The following MOCS2 variants were observed in gnomAD, a reference collection of about 807,000 sequenced individuals.
MOCS2 encodes molybdopterin synthase catalytic subunit.
MOCS2 carries 13 observed loss-of-function variants against 21.9 expected under a neutral mutation model. The ratio of observed to expected loss-of-function variants is 0.59; its 90% CI spans 0.39 to 0.94. MOCS2 has a LOEUF of 0.94. MOCS2 is among the 40% of genes least tolerant of loss of function. The pLI is 0.00. For synonymous variants in MOCS2, 92 were observed against 80.8 expected (o/e 1.14, Z -0.74); for missense variants, 227 against 218.3 (o/e 1.04, Z -0.25).
chr5:53,101,418 A>C lies in MOCS2; in HGVS notation c.318T>G (p.Ile106Met). The change falls in exon 5 of 7, where the codon ATT becomes ATG. Residue 106 changes from isoleucine to methionine, a missense_variant. Physicochemically the swap from Ile to Met is conservative, Grantham distance 10 (BLOSUM62 1). Coordinates refer to ENST00000396954, the MANE Select transcript of MOCS2 (RefSeq NM_004531.5). ...GCCATTTCTGCCTAATGTCACTACA[A>C]ATCTTTCTGACTTCATTTTCCGCCA... ...LPMAENEVRK[I>M]CSDIRQKWPV... is the part of the protein sequence containing the mutation. 1 of 1,613,972 alleles carries C rather than the reference A, an allele frequency of 6.2e-7. No individual in the cohort carries two copies. Among genetic ancestry groups the C allele is most frequent in the Non-Finnish European group, 8.5e-7 (1 of 1,179,928 alleles).
chr5:53,099,402 G>C (rs1220789723), intron 6 of MOCS2, among the ~76,000 whole-genome samples: 1 of 152,140 alleles, frequency 6.6e-6, no homozygotes, highest in Non-Finnish European at 1.5e-5. Flanking sequence ...TGCCTTCCAG[G>C]CTTGCAGCTG....
chr5:53,106,995 C>T, intron 3 of MOCS2, 82 bp downstream of exon 3: 4 of 1,494,308 alleles, frequency 2.7e-6, no homozygotes, highest in Non-Finnish European at 3.7e-6. Flanking sequence ...AAAGAATATA[C>T]ATTAACAGCA....
At position 53,101,254 on chromosome 5, in the gene MOCS2, C is replaced by T. The variant is rs116081601; in HGVS notation, c.377+105G>A. ...CTCCAAAAATAATACATGAATATTCCTCTCATGGTAATATAGAATTACTAA... is the reference window on the plus strand; with the variant it reads ...CTCCAAAAATAATACATGAATATTCTTCTCATGGTAATATAGAATTACTAA... On this transcript the variant is annotated intron_variant, in intron 5 of 6. Coordinates refer to ENST00000396954, the MANE Select transcript of MOCS2 (RefSeq NM_004531.5). The T allele has an allele frequency of 3.8e-4, 465 of 1,217,802 alleles. 2 individuals are homozygous for T. The African/African-American group carries it at 6.3e-3, about 16-fold the overall frequency. The allele number at this position is 1,217,802 out of a possible 1,614,324, so 75.4% of individuals were successfully genotyped here. A position where few individuals can be genotyped will look rare whatever the true frequency, so the allele number is the denominator to read the frequency against.
chr5:53,107,298 T>TC, intron 2 of MOCS2, 77 bp from the exon 3 acceptor site: 6 of 1,312,934 alleles, frequency 4.6e-6, no homozygotes, highest in Non-Finnish European at 5.3e-6. Context: ...ATTAGAGATA[T>TC]TACATAGATA....
At position 53,101,439 on chromosome 5, in the gene MOCS2, C is replaced by A; in HGVS notation, c.297G>T (p.Ala99=). The A allele has an allele frequency of 6.2e-7, 1 of 1,613,214 alleles. No homozygotes were observed. The highest frequency in any genetic ancestry group is 1.1e-5 in the South Asian group (1 of 91,066). The change falls in exon 5 of 7, where the codon GCG becomes GCT. Residue 99 remains alanine, a synonymous_variant. Coordinates refer to ENST00000396954, the MANE Select transcript of MOCS2 (RefSeq NM_004531.5). ...SLEYEAYLPM[A]ENEVRKICSD... is the part of the protein sequence containing the mutation. ...TACAAATCTTTCTGACTTCATTTTC[C>A]GCCATGGGTAGATATGCTTCATATT...
At chr5:53,107,481 CA>C in intron 2 of MOCS2, 2 of 446,914 alleles carry the variant, frequency 4.5e-6, no homozygotes, top group Non-Finnish European at 4.0e-6. Flanking sequence ...AAAAAATGCA[CA>C]AAAAACCCAC....
chr5:53,100,037 G>C (rs553002268), intron 6 of MOCS2, among the ~76,000 whole-genome samples: 1 of 152,008 alleles, frequency 6.6e-6, no homozygotes, highest in Non-Finnish European at 1.5e-5. Context: ...TCTAGGAAAA[G>C]CCTCTTTCAC....
chr5:53,100,744 G>A, intron 5 of MOCS2: 1 of 550,742 alleles, frequency 1.8e-6, no homozygotes. Flanking sequence ...CAGCTAATTT[G>A]TTAGAATCTA....
At chr5:53,105,054 G>A (rs1009624862) in intron 3 of MOCS2, among the ~76,000 whole-genome samples, 3 of 152,100 alleles carry the variant, frequency 2.0e-5, no homozygotes, top group Admixed American at 2.0e-4. Context: ...GGTAGCATGG[G>A]TCAAAGAGCC....
intron 3 of MOCS2, among the ~76,000 whole-genome samples, chr5:53,102,623 T>G (rs1345261642): frequency 7.2e-6 from 1 of 139,526 alleles, no homozygotes; most frequent in African/African-American, 2.6e-5. Flanking sequence ...ACTTTATGGT[T>G]TCTTAGCTTC....
chr5:53,107,183 C>T lies in MOCS2; in HGVS notation c.-9G>A, dbSNP rs769172548. 1.2e-5 allele frequency: 19 copies of T among 1,613,834 alleles called. No individual in the cohort carries two copies. Among genetic ancestry groups the T allele is most frequent in the African/African-American group, 5.3e-5 (4 of 74,872 alleles). ...ATCTCCAAGCTCGACATATTCTTGACGAACAGCAAATATTATCTGATTTCT... is the reference window on the plus strand; with the variant it reads ...ATCTCCAAGCTCGACATATTCTTGATGAACAGCAAATATTATCTGATTTCT... On this transcript the variant is annotated 5_prime_UTR_variant, in exon 3 of 7. Transcript: ENST00000396954.
At chr5:53,099,214 T>C (rs930426266) in intron 6 of MOCS2, among the ~76,000 whole-genome samples, 1 of 152,214 alleles carries the variant, frequency 6.6e-6, no homozygotes, top group Non-Finnish European at 1.5e-5. Context: ...ACTCCTGCAC[T>C]TCCTCGGACT....
At chr5:53,104,020 T>C (rs1261103921) in intron 3 of MOCS2, among the ~76,000 whole-genome samples, 2 of 152,150 alleles carry the variant, frequency 1.3e-5, no homozygotes, top group Non-Finnish European at 2.9e-5. Context: ...TAATTATTAA[T>C]CCTGTAAGGT....
intron 5 of MOCS2, chr5:53,101,075 A>G: frequency 2.1e-6 from 1 of 479,928 alleles, no homozygotes; most frequent in Non-Finnish European, 3.7e-6. Flanking sequence ...CTTTCGAGGC[A>G]TTTATATCAA....
In MOCS2 at chr5:53,109,470, G is replaced by C. The variant is rs1314526220; in HGVS notation, c.-389C>G. On this transcript the variant is annotated 5_prime_UTR_variant, in exon 1 of 7. Transcript: ENST00000396954. ...TCAGAACGAGTCCGTCCTTGCTGCCGTGAGCTGACAAGAGTTCTCGGAGAG... is the reference window on the plus strand; with the variant it reads ...TCAGAACGAGTCCGTCCTTGCTGCCCTGAGCTGACAAGAGTTCTCGGAGAG... The C allele has an allele frequency of 7.7e-7, 1 of 1,302,608 alleles. No homozygotes were observed. The highest frequency in any genetic ancestry group is 1.5e-5 in the African/African-American group (1 of 64,742). The allele number at this position is 1,302,608 out of a possible 1,614,324, so 80.7% of individuals were successfully genotyped here.
At chr5:53,103,542 C>T (rs16880890) in intron 3 of MOCS2, among the ~76,000 whole-genome samples, 21,364 of 152,112 alleles carry the variant, frequency 0.14, 1,598 homozygotes, top group Middle Eastern at 0.2. Context: ...AGGTATTGTG[C>T]AAAGCCCTTT....
At chr5:53,108,776 G>T in intron 1 of MOCS2, 133 bp from the exon 2 acceptor site, 1 of 938,756 alleles carries the variant, frequency 1.1e-6, no homozygotes, top group Non-Finnish European at 1.5e-6. Context: ...TAAATAACCC[G>T]TAAAAAATTT....
chr5:53,104,780 T>G (rs1398596169), intron 3 of MOCS2, among the ~76,000 whole-genome samples: 2 of 152,110 alleles, frequency 1.3e-5, no homozygotes, highest in Non-Finnish European at 2.9e-5. Context: ...TGGAACCAAG[T>G]TTTTGCCATT....
At chr5:53,108,687 TTC>T (rs750403183) in intron 1 of MOCS2, 44 bp from the exon 2 acceptor site, 5 of 1,596,242 alleles carry the variant, frequency 3.1e-6, no homozygotes, top group East Asian at 4.5e-5. Context: ...CATACTCGTT[TTC>T]TGACTGTCAA....
Sources: gnomAD v4.1 joint callset for allele counts (sites outside exome capture counted in the v4.1 genomes callset) on GRCh38, gnomAD v4.1.1 for gene constraint, MANE v1.5 for transcripts, NCBI Gene and HGNC (gene_info 2026-07-23, HGNC 2026-07-21) for gene names.